The following RPGRIP1L variants were observed in gnomAD, a reference collection of about 807,000 sequenced individuals.
The protein encoded by RPGRIP1L is protein fantom.
Under a neutral mutation model 160.4 loss-of-function variants are expected in RPGRIP1L, and 131 were observed. The observed-to-expected ratio is 0.82, with a 90% CI of 0.71 to 0.94. The LOEUF is 0.94. Ranked by LOEUF, RPGRIP1L falls within the 40% of genes least tolerant of loss-of-function variation. The pLI is 0.00. For synonymous variants in RPGRIP1L, 510 were observed against 515.8 expected (o/e 0.99, Z 0.15); for missense variants, 1,522 against 1,535.8 (o/e 0.99, Z 0.15).
intron 22 of RPGRIP1L, among the ~76,000 whole-genome samples, chr16:53,631,098 G>A (rs183872647): frequency 1.3e-5 from 2 of 152,308 alleles, no homozygotes; most frequent in East Asian, 3.9e-4. Flanking sequence ...AACATTGAGA[G>A]TGGCTTATTT....
intron 6 of RPGRIP1L, among the ~76,000 whole-genome samples, chr16:53,684,600 G>A (rs2151307518): frequency 6.6e-6 from 1 of 152,130 alleles, no homozygotes; most frequent in South Asian, 2.1e-4. Context: ...TTATGGGTGG[G>A]GGTTGGGGGG....
chr16:53,623,897 C>CT (rs1490792873), intron 22 of RPGRIP1L, among the ~76,000 whole-genome samples: 2 of 152,054 alleles, frequency 1.3e-5, no homozygotes, highest in Admixed American at 6.5e-5. Flanking sequence ...TTCAGAATAT[C>CT]TTTTTTTATT....
At chr16:53,604,515 A>T (rs1326883120) in intron 26 of RPGRIP1L, among the ~76,000 whole-genome samples, 2 of 152,260 alleles carry the variant, frequency 1.3e-5, no homozygotes, top group Non-Finnish European at 2.9e-5. Context: ...TAAAAGTCTG[A>T]TTAATAAAAC....
In RPGRIP1L at chr16:53,649,757, C is replaced by A. The variant is rs1966820042; in HGVS notation, c.2153-642G>T. Among the ~76,000 whole-genome samples the A allele has an allele frequency of 2.0e-5, 3 of 152,142 alleles. No homozygotes were observed. In the South Asian group the frequency reaches 6.2e-4, roughly 32 times the overall value. ...TGTGTGGCTCCCAGGAGAGTAGAGC[C>A]CTGTGCCTCCTTCATGGACATCGTA... On this transcript the variant is annotated intron_variant, in intron 15 of 26. Transcript: ENST00000647211.
chr16:53,627,035 G>C (rs919199632), intron 22 of RPGRIP1L, among the ~76,000 whole-genome samples: 1 of 151,944 alleles, frequency 6.6e-6, no homozygotes, highest in Non-Finnish European at 1.5e-5. Flanking sequence ...TTCATACTTT[G>C]GATCATATTT....
At chr16:53,648,188 A>C (rs1368267671) in intron 16 of RPGRIP1L, among the ~76,000 whole-genome samples, 1 of 152,034 alleles carries the variant, frequency 6.6e-6, no homozygotes, top group Non-Finnish European at 1.5e-5. Flanking sequence ...TGCTCAATTC[A>C]AGGCCTTCTG....
chr16:53,638,491 T>A, intron 19 of RPGRIP1L, 80 bp from the exon 20 acceptor site: 1 of 764,048 alleles, frequency 1.3e-6, no homozygotes, highest in Non-Finnish European at 2.3e-6. Context: ...ATATACATAT[T>A]GAACTACTAA....
intron 24 of RPGRIP1L, among the ~76,000 whole-genome samples, chr16:53,611,561 G>GT (rs2150940317): frequency 6.6e-6 from 1 of 152,354 alleles, no homozygotes; most frequent in Non-Finnish European, 1.5e-5. Flanking sequence ...CTGGGGAGGG[G>GT]TATGGGAGAG....
chr16:53,628,122 G>A (rs528278133), intron 22 of RPGRIP1L: 1 of 151,166 alleles, frequency 6.6e-6, no homozygotes, highest in Non-Finnish European at 1.5e-5. Context: ...AAAATACTGT[G>A]TGTGTGTGTG....
chr16:53,680,039 C>T (rs1357731277), intron 6 of RPGRIP1L, among the ~76,000 whole-genome samples: 2 of 151,954 alleles, frequency 1.3e-5, no homozygotes, highest in African/African-American at 4.8e-5. Flanking sequence ...CTAAGATCTT[C>T]CTAAGTTTTA....
At chr16:53,695,479 C>A (rs769782628) in intron 3 of RPGRIP1L, 1 of 702,082 alleles carries the variant, frequency 1.4e-6, no homozygotes, top group Non-Finnish European at 2.6e-6. Flanking sequence ...AATATGAATA[C>A]AGACCTGCTC....
At chr16:53,604,674 A>C (rs1327763660) in intron 26 of RPGRIP1L, among the ~76,000 whole-genome samples, 1 of 152,212 alleles carries the variant, frequency 6.6e-6, no homozygotes, top group East Asian at 1.9e-4. Flanking sequence ...GTGGGAAATA[A>C]AGGATCAAAG....
chr16:53,696,095 A>G (rs1970734956), intron 3 of RPGRIP1L, 56 bp downstream of exon 3: 16 of 1,549,762 alleles, frequency 1.0e-5, no homozygotes, highest in Non-Finnish European at 1.4e-5. Flanking sequence ...ATAAAATACC[A>G]TACCCTCCAA....
At chr16:53,622,799 CCACACACA>C (rs201959082) in intron 22 of RPGRIP1L, among the ~76,000 whole-genome samples, 2,892 of 135,846 alleles carry the variant, frequency 0.021, 25 homozygotes, top group Middle Eastern at 0.035. Context: ...AAAACAAAAA[CCACACACA>C]CACACACACA....
At chr16:53,654,212 G>A (rs1002556715) in intron 14 of RPGRIP1L, among the ~76,000 whole-genome samples, 4 of 152,084 alleles carry the variant, frequency 2.6e-5, no homozygotes, top group Non-Finnish European at 5.9e-5. Context: ...TAATCCATCC[G>A]CCTTGGCTCT....
chr16:53,686,471 A>T lies in RPGRIP1L; in HGVS notation c.738T>A (p.Ser246=). Reference sequence around the variant, plus strand: ...CTTGCTGTTCTCGAAGCTGAAGAAGAGATAACTCAATTTCATTTTCTTTTC... The same window carrying T: ...CTTGCTGTTCTCGAAGCTGAAGAAGTGATAACTCAATTTCATTTTCTTTTC... ...LRRKENEIEL[S]LLQLREQQAT... is the part of the protein sequence containing the mutation. Residue 246 remains serine, a synonymous_variant, in exon 6 of 27, where the codon TCT becomes TCA. Coordinates refer to ENST00000647211, the MANE Select transcript of RPGRIP1L (RefSeq NM_015272.5). 6.2e-7 allele frequency: 1 copy of T among 1,613,630 alleles called. No homozygotes were observed. The highest frequency in any genetic ancestry group is 8.5e-7 in the Non-Finnish European group (1 of 1,179,774).
chr16:53,668,532 GAGGGGTGCAGATGGAT>G (rs1968465399), intron 9 of RPGRIP1L, among the ~76,000 whole-genome samples: 1 of 152,164 alleles, frequency 6.6e-6, no homozygotes, highest in Admixed American at 6.5e-5. Flanking sequence ...GGGGCAGAGG[GAGGGGTGCAGATGGAT>G]AGGCGAAGAA....
intron 19 of RPGRIP1L, 107 bp downstream of exon 19, chr16:53,640,925 CT>C (rs1023947396): frequency 4.9e-6 from 4 of 811,042 alleles, no homozygotes; most frequent in Non-Finnish European, 6.2e-6. Context: ...AAAAGACATA[CT>C]TTATTCACCT....
At chr16:53,683,027 A>T (rs757883805) in intron 6 of RPGRIP1L, among the ~76,000 whole-genome samples, 13 of 152,172 alleles carry the variant, frequency 8.5e-5, no homozygotes, top group Non-Finnish European at 1.6e-4. Context: ...ATTTTTAGAG[A>T]TAACACTAAT....
Sources: allele counts gnomAD v4.1 joint callset (sites outside exome capture counted in the v4.1 genomes callset), GRCh38; gene constraint gnomAD v4.1.1; transcripts MANE v1.5; gene names NCBI Gene and HGNC (gene_info 2026-07-23, HGNC 2026-07-21).